Variants in SHROOM2 observed in about 807,000 individuals in gnomAD.
The protein encoded by SHROOM2 is protein Shroom2.
A neutral mutation model predicts 75.9 loss-of-function variants in SHROOM2; 33 were observed. The ratio of observed to expected loss-of-function variants is 0.43; its 90% CI spans 0.33 to 0.58. The LOEUF (loss-of-function observed/expected upper bound fraction) is 0.58, where lower values mean the gene tolerates loss of function less well. SHROOM2 is among the 20% of genes least tolerant of loss of function. The pLI, the probability that SHROOM2 is intolerant of heterozygous loss-of-function variation, is 0.04. For missense variants in SHROOM2, 1,434 were observed against 1,461.2 expected (o/e 0.98, Z 0.30); for synonymous variants, 655 against 663.6 (o/e 0.99, Z 0.20).
intron 2 of SHROOM2, among the ~76,000 whole-genome samples, chrX:9,880,292 C>T (rs35560067): frequency 1.8e-5 from 2 of 112,833 alleles, no homozygotes; most frequent in Middle Eastern, 4.2e-3. Context: ...GCAGTCACCC[C>T]TAAAGGACAG....
At chrX:9,933,059 C>T (rs79628572) in intron 6 of SHROOM2, among the ~76,000 whole-genome samples, 189 bp downstream of exon 6, 14,577 of 110,677 alleles carry the variant, frequency 0.13, 1,179 homozygotes, top group African/African-American at 0.27. Context: ...TTTTATCTCA[C>T]TGGGGGGCTG....
chrX:9,870,895 T>C (rs1355539344), intron 1 of SHROOM2, among the ~76,000 whole-genome samples: 1 of 112,575 alleles, frequency 8.9e-6, no homozygotes, highest in African/African-American at 3.2e-5. Context: ...AGGTAAGCTA[T>C]GTTATCCATT....
chrX:9,928,530 T>G lies in SHROOM2; in HGVS notation c.2892-3645T>G, dbSNP rs150743430. ...TATGGCAAAGAGAAATGCATACATA[T>G]ATGCAGAGACACATGTCTACACACA... On this transcript the variant is annotated intron_variant, in intron 5 of 9. Coordinates refer to ENST00000380913, the MANE Select transcript of SHROOM2 (RefSeq NM_001649.4). Among the ~76,000 whole-genome samples the G allele has an allele frequency of 9.0e-3, 1,010 of 112,072 alleles. 15 individuals carry two copies. The highest frequency in any genetic ancestry group is 0.031 in the African/African-American group (948 of 30,820).
intron 1 of SHROOM2, among the ~76,000 whole-genome samples, chrX:9,857,654 G>T (rs2084079285): frequency 9.0e-6 from 1 of 111,404 alleles, no homozygotes; most frequent in Non-Finnish European, 1.9e-5. Flanking sequence ...CTCCCAAAGT[G>T]CTGGGATTAT....
chrX:9,940,960 C>T (rs1310162796), intron 8 of SHROOM2, among the ~76,000 whole-genome samples: 4 of 111,701 alleles, frequency 3.6e-5, no homozygotes, highest in African/African-American at 1.3e-4. Context: ...AAGCCCCAGG[C>T]AGGGAGGCAG....
chrX:9,819,860 C>T (rs1426471674), intron 1 of SHROOM2, among the ~76,000 whole-genome samples: 2 of 102,833 alleles, frequency 1.9e-5, no homozygotes, highest in African/African-American at 3.6e-5. Flanking sequence ...GTGGCGTGAT[C>T]TTGGCTCACT....
At chrX:9,851,388 C>T (rs2084038564) in intron 1 of SHROOM2, among the ~76,000 whole-genome samples, 2 of 107,983 alleles carry the variant, frequency 1.9e-5, no homozygotes, top group South Asian at 7.9e-4. Flanking sequence ...AGGTTCCCCA[C>T]GTGGCAACAG....
intron 8 of SHROOM2, among the ~76,000 whole-genome samples, chrX:9,941,971 CAAAAAAA>C (rs56088322): frequency 0.24 from 12,821 of 54,206 alleles, 1,281 homozygotes; most frequent in East Asian, 0.37. Flanking sequence ...GACTCCGTCT[CAAAAAAA>C]AAAAAAAAAA....
intron 1 of SHROOM2, among the ~76,000 whole-genome samples, chrX:9,824,441 AAAAT>A (rs907801122): frequency 1.6e-4 from 18 of 111,523 alleles, no homozygotes; most frequent in African/African-American, 5.9e-4. Flanking sequence ...CTCCGTCTCA[AAAAT>A]AAATAAATAA....
At chrX:9,879,117 G>A (rs377475210) in intron 2 of SHROOM2, among the ~76,000 whole-genome samples, 6 of 110,990 alleles carry the variant, frequency 5.4e-5, no homozygotes, top group East Asian at 5.7e-4. Context: ...GCTGGAGTGC[G>A]GTGGCTACTG....
Position 9,895,525 on chromosome X carries a change from C to G in SHROOM2, c.1617C>G (p.Asp539Glu). 3 of 1,196,046 alleles carry G rather than the reference C, an allele frequency of 2.5e-6. No individual in the cohort carries two copies. Among genetic ancestry groups the G allele is most frequent in the Non-Finnish European group, 3.4e-6 (3 of 888,458 alleles). The change falls in exon 4 of 10, where the codon GAC (aspartate) becomes GAG (glutamate). Residue 539 changes from aspartate (D) to glutamate (E), a missense_variant. Around this residue, in one of 3 missense-constraint regions of SHROOM2, gnomAD observed 1,340 missense variants for 1,338.3 expected, o/e 1.00. Coordinates refer to ENST00000380913, the MANE Select transcript of SHROOM2 (RefSeq NM_001649.4). ...AGACAGGACGGTGTTACCCGCTGGACAAAGGGGCCGAGGGCTGCTCCGCGG... is the reference window on the plus strand; with the variant it reads ...AGACAGGACGGTGTTACCCGCTGGAGAAAGGGGCCGAGGGCTGCTCCGCGG... ...ARETGRCYPL[D>E]KGAEGCSAGA...
intron 1 of SHROOM2, among the ~76,000 whole-genome samples, chrX:9,792,368 G>A (rs760942356): frequency 9.1e-6 from 1 of 109,882 alleles, no homozygotes; most frequent in Non-Finnish European, 1.9e-5. Flanking sequence ...TCATTTGGTT[G>A]AACCTTAGAA....
intron 1 of SHROOM2, among the ~76,000 whole-genome samples, chrX:9,791,818 C>T (rs1449762579): frequency 9.1e-6 from 1 of 109,952 alleles, no homozygotes; most frequent in African/African-American, 3.3e-5. Context: ...CATGGAGAAA[C>T]CCTGTCTCTA....
chrX:9,858,494 A>G (rs2084084844), intron 1 of SHROOM2, among the ~76,000 whole-genome samples: 1 of 112,546 alleles, frequency 8.9e-6, no homozygotes, highest in Non-Finnish European at 1.9e-5. Context: ...CAGTGATGTG[A>G]TGACTTGCTT....
intron 1 of SHROOM2, among the ~76,000 whole-genome samples, chrX:9,811,601 C>T (rs1029029764): frequency 8.9e-6 from 1 of 112,267 alleles, no homozygotes; most frequent in Non-Finnish European, 1.9e-5. Context: ...TATAATCACA[C>T]ATCTGGCCAT....
intron 1 of SHROOM2, among the ~76,000 whole-genome samples, chrX:9,846,411 C>A (rs1280882809): frequency 8.9e-6 from 1 of 112,468 alleles, no homozygotes; most frequent in African/African-American, 3.2e-5. Flanking sequence ...TCTGCTGCCT[C>A]AGCCTCCTGA....
At chrX:9,921,561 T>C (rs1231706525) in intron 5 of SHROOM2, among the ~76,000 whole-genome samples, 1 of 89,934 alleles carries the variant, frequency 1.1e-5, no homozygotes, top group East Asian at 4.2e-4. Flanking sequence ...AGTAGGTCTC[T>C]GGGTAATTCA....
Position 9,947,007 on chromosome X carries a change from G to C in SHROOM2, c.*70G>C. 1 of 1,026,748 alleles carries C rather than the reference G, an allele frequency of 9.7e-7. No individual in the cohort carries two copies. The highest frequency in any genetic ancestry group is 1.3e-6 in the Non-Finnish European group (1 of 765,588). 84.6% of individuals were successfully genotyped at this position (1,026,748 alleles called of 1,213,427 possible). ...CAGCTCCGTTCCCAAGGATACTCGT[G>C]AAGACCCCATCTGTGTTCATGGCCT... is the stretch of plus-strand genomic sequence containing the variant. On this transcript the variant is annotated 3_prime_UTR_variant, in exon 10 of 10. Transcript: ENST00000380913.
chrX:9,916,598 A>G (rs1425644573), intron 5 of SHROOM2, among the ~76,000 whole-genome samples: 2 of 112,080 alleles, frequency 1.8e-5, no homozygotes, highest in Non-Finnish European at 3.8e-5. Context: ...ACTTCTCCCA[A>G]AACTTTGTCA....
Sources: allele counts gnomAD v4.1 joint callset (sites outside exome capture counted in the v4.1 genomes callset), GRCh38; gene constraint gnomAD v4.1.1; regional missense constraint gnomAD v4.1.1; transcripts MANE v1.5; gene names NCBI Gene and HGNC (gene_info 2026-07-23, HGNC 2026-07-21).